The following PCDH15 variants were observed in gnomAD, a reference collection of about 807,000 sequenced individuals.
The protein encoded by PCDH15 is protocadherin-15.
Under a neutral mutation model 178.5 loss-of-function variants are expected in PCDH15, and 129 were observed. The observed-to-expected ratio is 0.72, with a 90% CI of 0.63 to 0.84. The LOEUF is 0.84. Among genes scored for constraint, PCDH15 ranks in the 40% least tolerant of loss-of-function variants. PCDH15 has a pLI of 0.00. For synonymous variants in PCDH15, 800 were observed against 732.0 expected, an observed-to-expected ratio of 1.09 and a Z score of -1.50; for missense variants, 2,230 against 2,099.9, an observed-to-expected ratio of 1.06 and a Z score of -1.21.
intron 15 of PCDH15, among the ~76,000 whole-genome samples, chr10:54,091,250 A>G (rs1375833209): frequency 6.6e-6 from 1 of 152,212 alleles, no homozygotes; most frequent in Non-Finnish European, 1.5e-5. Context: ...AGGGGGGGAT[A>G]TATCTGATAA....
At chr10:54,292,913 C>A (rs2059511652) in intron 8 of PCDH15, among the ~76,000 whole-genome samples, 1 of 152,068 alleles carries the variant, frequency 6.6e-6, no homozygotes, top group Admixed American at 6.6e-5. Flanking sequence ...AGATTCAATG[C>A]CATCCCCATC....
chr10:55,172,855 C>T (rs760926979), intron 1 of PCDH15, among the ~76,000 whole-genome samples: 1 of 151,758 alleles, frequency 6.6e-6, no homozygotes, highest in Non-Finnish European at 1.5e-5. Context: ...ATTGTCTCTG[C>T]TTGAGAAAGC....
At chr10:54,779,910 G>C (rs985622988) in intron 1 of PCDH15, among the ~76,000 whole-genome samples, 5 of 151,944 alleles carry the variant, frequency 3.3e-5, no homozygotes, top group African/African-American at 1.2e-4. Context: ...ATCCTTTTAT[G>C]ATTAAATTGG....
chr10:54,163,666 G>A (rs892321586), intron 13 of PCDH15, among the ~76,000 whole-genome samples: 3 of 152,096 alleles, frequency 2.0e-5, no homozygotes, highest in African/African-American at 7.2e-5. Flanking sequence ...AGAGGGATTT[G>A]AAGTTCAATA....
In PCDH15 at chr10:54,811,126, A is replaced by G. The variant is rs180997969; in HGVS notation, c.-29+86324T>C. 1.6e-3 allele frequency among the ~76,000 whole-genome samples: 241 copies of G among 150,192 alleles called. 2 individuals carry two copies. The highest frequency in any genetic ancestry group is 0.013 in the East Asian group (69 of 5,124). On this transcript the variant is annotated intron_variant, in intron 3 of 5. Transcript: ENST00000458638. ...TTCAGAAATACATTGGGACTACTCA[A>G]TATTATGTGTATATATATATATGTA...
intron 1 of PCDH15, among the ~76,000 whole-genome samples, chr10:55,251,403 G>T (rs2132224030): frequency 6.6e-6 from 1 of 152,062 alleles, no homozygotes; most frequent in Non-Finnish European, 1.5e-5. Flanking sequence ...CAGTAATCTG[G>T]TTTTTCTCCA....
At chr10:54,231,638 C>T (rs2054088105) in intron 9 of PCDH15, among the ~76,000 whole-genome samples, 1 of 152,204 alleles carries the variant, frequency 6.6e-6, no homozygotes, top group African/African-American at 2.4e-5. Context: ...CAAACACCAG[C>T]CCATGAAATC....
At chr10:54,699,830 C>G (rs1274674630) in intron 1 of PCDH15, among the ~76,000 whole-genome samples, 5 of 151,942 alleles carry the variant, frequency 3.3e-5, no homozygotes, top group Non-Finnish European at 7.4e-5. Flanking sequence ...CTTTTTAACA[C>G]TTTGTAAAGA....
At chr10:53,877,713 A>C (rs2080348310) in intron 26 of PCDH15, among the ~76,000 whole-genome samples, 1 of 152,100 alleles carries the variant, frequency 6.6e-6, no homozygotes, top group Non-Finnish European at 1.5e-5. Context: ...GGGCAACACC[A>C]TCTATGAACT....
At chr10:54,645,968 T>G (rs2094121749) in intron 2 of PCDH15, among the ~76,000 whole-genome samples, 1 of 152,120 alleles carries the variant, frequency 6.6e-6, no homozygotes, top group Non-Finnish European at 1.5e-5. Flanking sequence ...TCAAAAATCA[T>G]ACATTAATAT....
chr10:54,382,374 T>A (rs1949349722), intron 3 of PCDH15, among the ~76,000 whole-genome samples: 1 of 152,164 alleles, frequency 6.6e-6, no homozygotes, highest in African/African-American at 2.4e-5. Context: ...ACTCTATTTG[T>A]ACAGAATAAA....
chr10:55,327,034 A>C (rs2441761), intron 2 of PCDH15, among the ~76,000 whole-genome samples: 28,074 of 152,106 alleles, frequency 0.18, 2,739 homozygotes, highest in Middle Eastern at 0.22. Context: ...ATGACTGTTT[A>C]TGTCCACACA....
intron 17 of PCDH15, among the ~76,000 whole-genome samples, chr10:54,073,289 T>G (rs927202468): frequency 6.6e-6 from 1 of 151,364 alleles, no homozygotes; most frequent in Non-Finnish European, 1.5e-5. Flanking sequence ...TACATAAACA[T>G]TTTGCATGTT....
At chr10:53,809,497 C>G in intron 37 of PCDH15, 1 of 1,613,112 alleles carries the variant, frequency 6.2e-7, no homozygotes, top group South Asian at 1.1e-5. Context: ...TTCCTCCTCA[C>G]TAGGCTCTCT....
At chr10:54,718,953 C>T (rs192581482) in intron 1 of PCDH15, among the ~76,000 whole-genome samples, 45 of 151,890 alleles carry the variant, frequency 3.0e-4, no homozygotes, top group Middle Eastern at 3.4e-3. Context: ...CCTCAGTCTC[C>T]CAAAGTGCTA....
intron 2 of PCDH15, among the ~76,000 whole-genome samples, chr10:55,150,471 A>T (rs995416023): frequency 2.0e-5 from 3 of 152,130 alleles, no homozygotes; most frequent in Admixed American, 6.6e-5. Context: ...CTCCCCCGCC[A>T]AATATTGTGT....
chr10:54,628,070 A>C (rs2093605581), intron 2 of PCDH15, among the ~76,000 whole-genome samples: 1 of 152,204 alleles, frequency 6.6e-6, no homozygotes, highest in African/African-American at 2.4e-5. Context: ...AATGTGTAAC[A>C]GGCTAAGTAA....
At chr10:54,655,298 G>GAGAGAGAGAGAGAGAGAGAGAGAC (rs1565866433) in intron 2 of PCDH15, among the ~76,000 whole-genome samples, 2 of 112,530 alleles carry the variant, frequency 1.8e-5, no homozygotes, top group Non-Finnish European at 4.1e-5. Flanking sequence ...GAGAGAGAGA[G>GAGAGAGAGAGAGAGAGAGAGAGAC]AGAGACAGAG....
At chr10:54,990,419 G>T (rs1488724585) in intron 2 of PCDH15, among the ~76,000 whole-genome samples, 2 of 152,064 alleles carry the variant, frequency 1.3e-5, no homozygotes, top group Non-Finnish European at 2.9e-5. Context: ...TGGTAAGATT[G>T]CTTGACATAT....
Sources: gnomAD v4.1 joint callset for allele counts (sites outside exome capture counted in the v4.1 genomes callset) on GRCh38, gnomAD v4.1.1 for gene constraint, MANE v1.5 for transcripts, NCBI Gene and HGNC (gene_info 2026-07-23, HGNC 2026-07-21) for gene names.